Variants in TTLL1 observed in about 807,000 individuals in gnomAD.
TTLL1 encodes the protein polyglutamylase complex subunit TTLL1.
A neutral mutation model predicts 47.8 loss-of-function variants in TTLL1; 33 were observed. The observed-to-expected ratio is 0.69, with a 90% CI of 0.52 to 0.92. The LOEUF (loss-of-function observed/expected upper bound fraction) is 0.92. TTLL1 is among the 40% of genes least tolerant of loss of function. The probability of loss-of-function intolerance (pLI) is 0.00; values close to 1 mark genes in which losing one functional copy is unlikely to be tolerated. For synonymous variants in TTLL1, 225 were observed against 214.1 expected (o/e 1.05, Z -0.45); for missense variants, 488 against 547.5 (o/e 0.89, Z 1.08).
chr22:43,044,490 CTGTG>C lies in TTLL1; in HGVS notation c.1142+1916_1142+1919del, dbSNP rs150532274. Among the ~76,000 whole-genome samples the C allele has an allele frequency of 7.7e-3, 1,165 of 152,216 alleles. 15 individuals carry two copies. Among genetic ancestry groups the C allele is most frequent in the African/African-American group, 0.027 (1,103 of 41,546 alleles). On this transcript the variant is annotated intron_variant, in intron 10 of 10. Transcript: ENST00000266254. ...CCTACCAGCTACAAGCCTGACGTCT[CTGTG>C]TGTGTGTGTAAATTTCACTAAATAT... is the stretch of plus-strand genomic sequence containing the variant.
At chr22:43,053,985 G>T (rs1159693615) in intron 8 of TTLL1, among the ~76,000 whole-genome samples, 1 of 152,202 alleles carries the variant, frequency 6.6e-6, no homozygotes, top group Non-Finnish European at 1.5e-5. Context: ...CCGATGAGCG[G>T]TATTTAACCC....
rs189454377 is a variant in TTLL1, at chr22:43,080,209, C to G, written c.-89-223G>C. ...AGCTGCAACTACAGGCGAGTGCCAC[C>G]ACACCCGGTTAATTTTTGTATTTTT... On this transcript the variant is annotated intron_variant, in intron 1 of 10. Coordinates refer to ENST00000266254, the MANE Select transcript of TTLL1 (RefSeq NM_012263.5). Among the ~76,000 whole-genome samples, 389 of 152,084 alleles carry G rather than the reference C, an allele frequency of 2.6e-3. 1 individual carries two copies. The highest frequency in any genetic ancestry group is 1.1e-3 in the Non-Finnish European group (74 of 68,020).
intron 5 of TTLL1, among the ~76,000 whole-genome samples, chr22:43,068,123 C>T (rs1927863469): frequency 7.0e-6 from 1 of 142,034 alleles, no homozygotes; most frequent in South Asian, 2.3e-4. Flanking sequence ...CGCAAAACCC[C>T]ATCTCTATTT....
At chr22:43,041,344 T>C (rs1363767604) in intron 10 of TTLL1, 1 of 152,178 alleles carries the variant, frequency 6.6e-6, no homozygotes, top group Non-Finnish European at 1.5e-5. Context: ...AGATGCTGAG[T>C]GCTAATCATG....
chr22:43,063,109 G>A (rs1209616769), intron 7 of TTLL1, among the ~76,000 whole-genome samples: 1 of 152,132 alleles, frequency 6.6e-6, no homozygotes, highest in South Asian at 2.1e-4. Flanking sequence ...GTTGAGGCAG[G>A]GTACCTCAGG....
intron 1 of TTLL1, among the ~76,000 whole-genome samples, chr22:43,088,220 C>A (rs574429145): frequency 6.6e-6 from 1 of 150,988 alleles, no homozygotes; most frequent in East Asian, 1.9e-4. Context: ...TCGTTCACAG[C>A]GGTATTGTCA....
chr22:43,061,739 C>G (rs1168264810), intron 7 of TTLL1, among the ~76,000 whole-genome samples: 1 of 152,168 alleles, frequency 6.6e-6, no homozygotes, highest in East Asian at 1.9e-4. Context: ...GCCAGGGGCT[C>G]CTGCTACCCT....
intron 1 of TTLL1, among the ~76,000 whole-genome samples, chr22:43,080,451 C>T (rs1601704440): frequency 6.6e-6 from 1 of 152,102 alleles, no homozygotes. Context: ...AAAAGATGCT[C>T]TTAAGAGTCT....
intron 3 of TTLL1, among the ~76,000 whole-genome samples, chr22:43,073,457 G>A (rs1458869903): frequency 6.6e-6 from 1 of 151,584 alleles, no homozygotes; most frequent in Non-Finnish European, 1.5e-5. Context: ...CCCAGGTTGA[G>A]GCCATTTGCC....
At chr22:43,078,562 C>T (rs377201122) in intron 2 of TTLL1, among the ~76,000 whole-genome samples, 18 of 151,934 alleles carry the variant, frequency 1.2e-4, no homozygotes, top group African/African-American at 4.1e-4. Flanking sequence ...CAAGGGAGTC[C>T]GGGTGCCCTG....
intron 3 of TTLL1, among the ~76,000 whole-genome samples, chr22:43,075,059 G>A (rs1928394368): frequency 6.6e-6 from 1 of 152,070 alleles, no homozygotes; most frequent in African/African-American, 2.4e-5. Flanking sequence ...CAGGTACTTG[G>A]GAGCCTAAGG....
At chr22:43,045,083 G>A (rs556022171) in intron 10 of TTLL1, among the ~76,000 whole-genome samples, 1 of 152,250 alleles carries the variant, frequency 6.6e-6, no homozygotes, top group Non-Finnish European at 1.5e-5. Flanking sequence ...GGCTGGTCTT[G>A]AACTCCTGAG....
At chr22:43,077,477 T>A (rs577094232) in intron 2 of TTLL1, among the ~76,000 whole-genome samples, 1 of 152,146 alleles carries the variant, frequency 6.6e-6, no homozygotes, top group Non-Finnish European at 1.5e-5. Context: ...CTGTCCCTGC[T>A]GGGGGCCAGG....
At chr22:43,040,837 A>C (rs1569404847) in intron 10 of TTLL1, among the ~76,000 whole-genome samples, 1 of 152,106 alleles carries the variant, frequency 6.6e-6, no homozygotes, top group Non-Finnish European at 1.5e-5. Context: ...AACAGCCTGA[A>C]TTTTCGTGTC....
intron 5 of TTLL1, 114 bp downstream of exon 5, chr22:43,068,296 G>A (rs1025163918): frequency 1.5e-5 from 14 of 915,028 alleles, no homozygotes; most frequent in East Asian, 2.8e-5. Flanking sequence ...CTGCCTGGGC[G>A]ACAGAGTGAG....
chr22:43,063,955 G>C (rs758998933), intron 6 of TTLL1, 34 bp from the exon 7 acceptor site: 1 of 1,598,936 alleles, frequency 6.3e-7, no homozygotes, highest in South Asian at 1.1e-5. Flanking sequence ...CAAACTCTGA[G>C]GAGAAACAAA....
chr22:43,042,349 TG>T (rs1387169335), intron 10 of TTLL1, among the ~76,000 whole-genome samples: 1 of 152,210 alleles, frequency 6.6e-6, no homozygotes, highest in Non-Finnish European at 1.5e-5. Flanking sequence ...AGGGGTGGTC[TG>T]GCCACCTACC....
intron 1 of TTLL1, among the ~76,000 whole-genome samples, chr22:43,080,938 A>C (rs1928844193): frequency 2.3e-5 from 1 of 42,618 alleles, no homozygotes; most frequent in Non-Finnish European, 5.7e-5. Context: ...TTTTTTTTAG[A>C]CAAAGTCTCG....
At chr22:43,053,284 A>G (rs1353635485) in intron 8 of TTLL1, among the ~76,000 whole-genome samples, 1 of 152,110 alleles carries the variant, frequency 6.6e-6, no homozygotes, top group Non-Finnish European at 1.5e-5. Flanking sequence ...CTTCAACGAA[A>G]CACTTGAAGC....
Sources: allele counts gnomAD v4.1 joint callset (sites outside exome capture counted in the v4.1 genomes callset), GRCh38; gene constraint gnomAD v4.1.1; transcripts MANE v1.5; gene names NCBI Gene and HGNC (gene_info 2026-07-23, HGNC 2026-07-21).